KCNQ3: variants seen among roughly 807,000 people sequenced by gnomAD.
The protein encoded by KCNQ3 is potassium voltage-gated channel subfamily KQT member 3.
A neutral mutation model predicts 92.5 loss-of-function variants in KCNQ3; 30 were observed. The observed-to-expected ratio is 0.32, with a 90% CI of 0.24 to 0.44. The LOEUF is 0.44. KCNQ3 is among the 20% of genes least tolerant of loss of function. The pLI is 1.00. For synonymous variants in KCNQ3, 450 were observed against 468.8 expected (o/e 0.96, Z 0.52); for missense variants, 913 against 1,140.3 (o/e 0.80, Z 2.87).
intron 1 of KCNQ3, among the ~76,000 whole-genome samples, chr8:132,366,968 A>G (rs1317764213): frequency 6.6e-6 from 1 of 152,228 alleles, no homozygotes; most frequent in Non-Finnish European, 1.5e-5. Flanking sequence ...TTCATAAAAA[A>G]AACTTTGGAA....
At chr8:132,380,931 G>GAAAAAAAAAAAAAAAAAAAAAAAAAAA (rs553931640) in intron 1 of KCNQ3, among the ~76,000 whole-genome samples, 1 of 87,468 alleles carries the variant, frequency 1.1e-5, no homozygotes, top group Non-Finnish European at 2.5e-5. Flanking sequence ...AATGAAAGCA[G>GAAAAAAAAAAAAAAAAAAAAAAAAAAA]AAAAAAAAAA....
At chr8:132,451,499 G>A (rs542611034) in intron 1 of KCNQ3, among the ~76,000 whole-genome samples, 4 of 152,264 alleles carry the variant, frequency 2.6e-5, no homozygotes, top group African/African-American at 9.6e-5. Context: ...CTATTTGTGT[G>A]ACTGTCCCCA....
intron 1 of KCNQ3, among the ~76,000 whole-genome samples, chr8:132,287,046 C>T (rs1816697557): frequency 6.9e-6 from 1 of 144,742 alleles, no homozygotes; most frequent in Non-Finnish European, 1.5e-5. Context: ...AACCTCTTTT[C>T]AGTCTCAGGT....
intron 1 of KCNQ3, among the ~76,000 whole-genome samples, chr8:132,403,636 G>T (rs529534673): frequency 6.6e-6 from 1 of 152,292 alleles, no homozygotes; most frequent in East Asian, 1.9e-4. Flanking sequence ...AGGAAGGAAA[G>T]TATCATAGTT....
intron 1 of KCNQ3, among the ~76,000 whole-genome samples, chr8:132,361,298 G>A (rs57443470): frequency 0.041 from 6,194 of 152,144 alleles, 376 homozygotes; most frequent in African/African-American, 0.13. Flanking sequence ...ATGCTTCTGC[G>A]GCACGAACCT....
chr8:132,260,536 TAAGAA>T, intron 1 of KCNQ3, among the ~76,000 whole-genome samples: 1 of 152,202 alleles, frequency 6.6e-6, no homozygotes, highest in East Asian at 1.9e-4. Context: ...TTAGGCTAGA[TAAGAA>T]GAGGAAGAGA....
At chr8:132,245,574 T>C (rs1442895465) in intron 1 of KCNQ3, among the ~76,000 whole-genome samples, 3 of 152,158 alleles carry the variant, frequency 2.0e-5, no homozygotes, top group Non-Finnish European at 4.4e-5. Flanking sequence ...CCCTTCTCCA[T>C]GCCCACCAAG....
intron 3 of KCNQ3, among the ~76,000 whole-genome samples, chr8:132,181,523 T>C (rs1409602716): frequency 1.3e-5 from 2 of 152,162 alleles, no homozygotes; most frequent in Middle Eastern, 3.2e-3. Flanking sequence ...TTTCCCAAAA[T>C]ATTTTGACCA....
chr8:132,323,795 C>T (rs571294901), intron 1 of KCNQ3, among the ~76,000 whole-genome samples: 13 of 152,100 alleles, frequency 8.5e-5, no homozygotes, highest in Non-Finnish European at 1.9e-4. Context: ...CGGCCTTGCG[C>T]ACCTCAATTC....
At chr8:132,425,288 C>T (rs1821079057) in intron 1 of KCNQ3, among the ~76,000 whole-genome samples, 1 of 152,214 alleles carries the variant, frequency 6.6e-6, no homozygotes, top group African/African-American at 2.4e-5. Flanking sequence ...AATCATTATA[C>T]ACATTGCCTT....
chr8:132,480,282 C>T lies in KCNQ3; in HGVS notation c.251G>A (p.Gly84Asp), dbSNP rs781753428. Residue 84 changes from glycine (G) to aspartate (D), a missense_variant, in exon 1 of 15, where the codon GGC (glycine) becomes GAC (aspartate). By Grantham distance (94) the Gly-to-Asp change is moderately conservative. Transcript: ENST00000388996. ...RDEGQRRTPQ[G>D]IGLLAKTPLS... ...CGGGGTCTTGGCCAGGAGCCCGATG[C>T]CCTGCGGGGTCCTCCGCTGCCCCTC... 1 of 1,609,984 alleles carries T rather than the reference C, an allele frequency of 6.2e-7. No individual in the cohort carries two copies. Among genetic ancestry groups the T allele is most frequent in the South Asian group, 1.1e-5 (1 of 90,558 alleles).
chr8:132,459,483 G>C (rs948739782), intron 1 of KCNQ3, among the ~76,000 whole-genome samples: 3 of 152,100 alleles, frequency 2.0e-5, no homozygotes, highest in African/African-American at 4.8e-5. Flanking sequence ...AAGGTGTCAG[G>C]CTCTTTTTAA....
At chr8:132,393,559 T>A (rs1820106636) in intron 1 of KCNQ3, among the ~76,000 whole-genome samples, 1 of 152,214 alleles carries the variant, frequency 6.6e-6, no homozygotes, top group Non-Finnish European at 1.5e-5. Flanking sequence ...TGATCTAGAA[T>A]AATGCCTGGT....
chr8:132,264,009 T>C (rs1232216757), intron 1 of KCNQ3, among the ~76,000 whole-genome samples: 1 of 152,206 alleles, frequency 6.6e-6, no homozygotes, highest in Non-Finnish European at 1.5e-5. Context: ...TCATAGTAGC[T>C]AATGTAGCCC....
intron 1 of KCNQ3, among the ~76,000 whole-genome samples, chr8:132,373,924 G>T (rs1376691644): frequency 2.0e-5 from 3 of 152,146 alleles, no homozygotes; most frequent in African/African-American, 7.2e-5. Flanking sequence ...CATGTTGCCA[G>T]ATCAGCATCC....
intron 1 of KCNQ3, among the ~76,000 whole-genome samples, chr8:132,412,107 C>T (rs529906883): frequency 8.5e-5 from 13 of 152,308 alleles, no homozygotes; most frequent in East Asian, 7.7e-4. Flanking sequence ...CACTGCCTGG[C>T]GCTTGGCACC....
intron 1 of KCNQ3, among the ~76,000 whole-genome samples, chr8:132,303,651 ATT>A (rs1235680071): frequency 3.6e-5 from 1 of 27,584 alleles, no homozygotes; most frequent in Admixed American, 5.5e-4. Flanking sequence ...ATATATATAT[ATT>A]TATGGTGTGT....
intron 1 of KCNQ3, among the ~76,000 whole-genome samples, chr8:132,205,817 A>G (rs1413553454): frequency 6.6e-6 from 1 of 152,138 alleles, no homozygotes; most frequent in Non-Finnish European, 1.5e-5. Flanking sequence ...GACTGCAGGT[A>G]TTGGGGACAG....
At chr8:132,148,707 A>T (rs1825539404) in intron 9 of KCNQ3, among the ~76,000 whole-genome samples, 1 of 152,222 alleles carries the variant, frequency 6.6e-6, no homozygotes, top group Non-Finnish European at 1.5e-5. Flanking sequence ...AAATAAATCA[A>T]AAGGAGGGAA....
Sources: allele counts gnomAD v4.1 joint callset (sites outside exome capture counted in the v4.1 genomes callset), GRCh38; gene constraint gnomAD v4.1.1; transcripts MANE v1.5; gene names NCBI Gene and HGNC (gene_info 2026-07-23, HGNC 2026-07-21).